Variants in MAST4 observed in about 807,000 individuals in gnomAD.
The protein encoded by MAST4 is microtubule associated serine/threonine kinase family member 4, also known as microtubule-associated serine/threonine-protein kinase 4.
A neutral mutation model predicts 162.7 loss-of-function variants in MAST4; 89 were observed. The observed-to-expected ratio is 0.55, with a 90% CI of 0.46 to 0.65. MAST4 has a LOEUF of 0.65. MAST4 is among the 30% of genes least tolerant of loss of function. The pLI, the probability that MAST4 is intolerant of heterozygous loss-of-function variation, is 0.00. For missense variants in MAST4, 3,153 were observed against 3,374.0 expected, an observed-to-expected ratio of 0.93 and a Z score of 1.62; for synonymous variants, 1,479 against 1,361.1, an observed-to-expected ratio of 1.09 and a Z score of -1.91.
At chr5:67,040,445 G>A (rs563781674) in intron 4 of MAST4, among the ~76,000 whole-genome samples, 15 of 152,114 alleles carry the variant, frequency 9.9e-5, no homozygotes, top group Non-Finnish European at 2.1e-4. Flanking sequence ...AGGAAGGAGC[G>A]TCTATATCGT....
chr5:66,746,401 G>T (rs911571645), intron 1 of MAST4, among the ~76,000 whole-genome samples: 2 of 152,194 alleles, frequency 1.3e-5, no homozygotes, highest in African/African-American at 2.4e-5. Flanking sequence ...GGGCTTTGTA[G>T]TTGGGCATCT....
intron 2 of MAST4, among the ~76,000 whole-genome samples, chr5:66,788,130 G>T (rs945143456): frequency 2.6e-5 from 4 of 152,190 alleles, no homozygotes; most frequent in African/African-American, 4.8e-5. Context: ...ATATGATTAT[G>T]TATCCCACAG....
chr5:67,073,572 A>G (rs1247257603), intron 5 of MAST4, among the ~76,000 whole-genome samples: 4 of 152,200 alleles, frequency 2.6e-5, no homozygotes, highest in African/African-American at 2.4e-5. Context: ...AGGTACATCT[A>G]GAAAACTCAG....
At chr5:66,993,480 G>A (rs1000227033) in intron 4 of MAST4, among the ~76,000 whole-genome samples, 1 of 152,180 alleles carries the variant, frequency 6.6e-6, no homozygotes, top group African/African-American at 2.4e-5. Context: ...TAAAAAAGAG[G>A]CATGCATATG....
chr5:66,641,028 G>A (rs60587101), intron 1 of MAST4, among the ~76,000 whole-genome samples: 2,941 of 152,138 alleles, frequency 0.019, 95 homozygotes, highest in African/African-American at 0.067. Flanking sequence ...GTCTCTTTAG[G>A]TCCTTCGCCC....
At chr5:66,984,746 G>A (rs1359600399) in intron 4 of MAST4, among the ~76,000 whole-genome samples, 2 of 150,714 alleles carry the variant, frequency 1.3e-5, no homozygotes, top group Non-Finnish European at 3.0e-5. Context: ...GCCAAGGGAT[G>A]AGTTGGAGGA....
intron 10 of MAST4, 105 bp from the exon 11 acceptor site, chr5:67,109,993 G>C: frequency 2.6e-6 from 2 of 767,246 alleles, no homozygotes; most frequent in Admixed American, 2.2e-5. Flanking sequence ...TAAATTACTC[G>C]ATTTTTGAAC....
intron 1 of MAST4, among the ~76,000 whole-genome samples, chr5:66,751,267 T>A (rs978491700): frequency 1.3e-5 from 2 of 152,124 alleles, no homozygotes; most frequent in African/African-American, 4.8e-5. Context: ...ATGCAGTTCC[T>A]CACCAGCAAC....
chr5:67,049,027 A>ATATATATATACG lies in MAST4; in HGVS notation c.675-5367_675-5366insCGTATATATATA, dbSNP rs1561576276. Among the ~76,000 whole-genome samples the ATATATATATACG allele has an allele frequency of 9.3e-4, 78 of 84,016 alleles. 2 individuals carry two copies. Among genetic ancestry groups the ATATATATATACG allele is most frequent in the African/African-American group, 3.0e-3 (63 of 20,928 alleles). The allele number at this position is 84,016 out of a possible 152,430, so 55.1% of individuals were successfully genotyped here. On this transcript the variant is annotated intron_variant, in intron 4 of 28. Coordinates refer to ENST00000403625, the MANE Select transcript of MAST4 (RefSeq NM_001164664.2). ...CACACACATATATATATATACGTAT[A>ATATATATATACG]TATATATATATATACGTGTATATAT...
chr5:66,869,445 C>T (rs547258200), intron 3 of MAST4, among the ~76,000 whole-genome samples: 6 of 152,200 alleles, frequency 3.9e-5, no homozygotes, highest in East Asian at 3.9e-4. Context: ...CTAGGTCAGC[C>T]GAGTTTCAAG....
intron 3 of MAST4, among the ~76,000 whole-genome samples, chr5:66,824,674 A>G (rs886632189): frequency 2.0e-5 from 3 of 152,254 alleles, no homozygotes; most frequent in Admixed American, 1.3e-4. Flanking sequence ...ACATGTTCTG[A>G]GAAATGTGTT....
intron 4 of MAST4, among the ~76,000 whole-genome samples, chr5:67,033,431 G>C (rs942805089): frequency 2.0e-5 from 3 of 148,062 alleles, no homozygotes. Flanking sequence ...AGCTGAGCTA[G>C]TTTGGCATAG....
intron 4 of MAST4, among the ~76,000 whole-genome samples, chr5:67,008,190 G>A (rs1488589401): frequency 1.3e-5 from 2 of 152,224 alleles, no homozygotes; most frequent in Non-Finnish European, 2.9e-5. Context: ...TTGAGGGACA[G>A]AAACCTAGGC....
chr5:66,698,253 A>C (rs1749539682), intron 1 of MAST4, among the ~76,000 whole-genome samples: 1 of 151,980 alleles, frequency 6.6e-6, no homozygotes, highest in South Asian at 2.1e-4. Flanking sequence ...GAGACAGCTG[A>C]GTAATCAATC....
intron 1 of MAST4, among the ~76,000 whole-genome samples, chr5:66,718,315 A>AT (rs1287790385): frequency 6.6e-6 from 1 of 150,906 alleles, no homozygotes; most frequent in Admixed American, 6.6e-5. Flanking sequence ...GGTATAAATG[A>AT]TTAAGTTATG....
chr5:67,095,257 G>A (rs1240827928), intron 6 of MAST4, among the ~76,000 whole-genome samples: 2 of 152,148 alleles, frequency 1.3e-5, no homozygotes, highest in South Asian at 2.1e-4. Context: ...GCTTCCAGAT[G>A]AGAGTGTTTT....
intron 4 of MAST4, among the ~76,000 whole-genome samples, chr5:66,991,187 T>G (rs1027020061): frequency 6.6e-6 from 1 of 152,194 alleles, no homozygotes; most frequent in Non-Finnish European, 1.5e-5. Flanking sequence ...GTTCACTGTT[T>G]CCCACTTGTT....
At chr5:66,904,713 T>A (rs949195939) in intron 4 of MAST4, among the ~76,000 whole-genome samples, 3 of 152,186 alleles carry the variant, frequency 2.0e-5, no homozygotes, top group Non-Finnish European at 4.4e-5. Flanking sequence ...GATATTTGAT[T>A]GTGACAGCTG....
At chr5:66,837,894 A>ATATTTTTTTTTTT (rs1554057455) in intron 3 of MAST4, among the ~76,000 whole-genome samples, 1 of 53,712 alleles carries the variant, frequency 1.9e-5, no homozygotes, top group African/African-American at 1.0e-4. Context: ...ATATATATAT[A>ATATTTTTTTTTTT]TTTTTTTTTT....
Sources: allele counts gnomAD v4.1 joint callset (sites outside exome capture counted in the v4.1 genomes callset), GRCh38; gene constraint gnomAD v4.1.1; transcripts MANE v1.5; gene names NCBI Gene and HGNC (gene_info 2026-07-23, HGNC 2026-07-21).